The following ESR1 variants were observed in gnomAD, a reference collection of about 807,000 sequenced individuals.
ESR1 encodes estrogen receptor 1, also known as estrogen receptor.
ESR1 carries 12 observed loss-of-function variants against 52.7 expected under a neutral mutation model. That is an observed-to-expected ratio of 0.23 (90% CI 0.15 to 0.37). ESR1 has a LOEUF of 0.37. Ranked by LOEUF, ESR1 falls within the 10% of genes least tolerant of loss-of-function variation. ESR1 has a pLI of 1.00. For synonymous variants in ESR1, 305 were observed against 316.8 expected, an observed-to-expected ratio of 0.96 and a Z score of 0.39; for missense variants, 584 against 779.7, an observed-to-expected ratio of 0.75 and a Z score of 2.99.
At chr6:151,926,106 A>G (rs1239894221) in intron 3 of ESR1, among the ~76,000 whole-genome samples, 1 of 152,096 alleles carries the variant, frequency 6.6e-6, no homozygotes, top group East Asian at 1.9e-4. Flanking sequence ...CCTTTTTCTC[A>G]TTTAATTGGC....
intron 5 of ESR1, among the ~76,000 whole-genome samples, chr6:152,047,139 CT>C (rs1302204862): frequency 2.0e-5 from 3 of 152,072 alleles, no homozygotes; most frequent in Admixed American, 2.0e-4. Context: ...TTGCTACTCC[CT>C]GTTTTATTTT....
At chr6:151,657,114 T>C (rs1777481374) in intron 1 of ESR1, among the ~76,000 whole-genome samples, 1 of 152,186 alleles carries the variant, frequency 6.6e-6, no homozygotes, top group African/African-American at 2.4e-5. Context: ...ACAGTTTTTG[T>C]TTGTTTTAGT....
At position 151,842,634 on chromosome 6, in the gene ESR1, A is replaced by G. The variant is rs1383010983; in HGVS notation, c.490A>G (p.Arg164Gly). The stretch of plus-strand genomic sequence containing the variant: ...TAATCGACGCCAGGGTGGCAGAGAA[A>G]GATTGGCCAGTACCAATGACAAGGG... The part of the protein sequence containing the change: ...SDNRRQGGRE[R>G]LASTNDKGSM... Residue 164 changes from arginine to glycine, a missense_variant, in exon 2 of 8, where the codon AGA becomes GGA. Transcript: ENST00000206249. 1.9e-6 allele frequency: 3 copies of G among 1,613,726 alleles called. No individual in the cohort carries two copies. Among genetic ancestry groups the G allele is most frequent in the African/African-American group, 1.3e-5 (1 of 74,892 alleles).
intron 5 of ESR1, among the ~76,000 whole-genome samples, chr6:152,012,955 C>T (rs1002512061): frequency 6.6e-6 from 1 of 152,152 alleles, no homozygotes; most frequent in Non-Finnish European, 1.5e-5. Context: ...GAGAATTGTA[C>T]AAGGTGTTGG....
upstream of ESR1, among the ~76,000 whole-genome samples, chr6:151,803,748 A>T (rs918789979): frequency 6.6e-6 from 1 of 152,172 alleles, no homozygotes; most frequent in African/African-American, 2.4e-5. Flanking sequence ...GAGAGATTGT[A>T]AAGCTAGAAG....
chr6:151,678,509 C>T (rs529609734), intron 1 of ESR1, among the ~76,000 whole-genome samples: 1 of 151,982 alleles, frequency 6.6e-6, no homozygotes, highest in East Asian at 1.9e-4. Context: ...GAGTCTCTCC[C>T]CAAAAATCGG....
chr6:151,962,833 C>T (rs2037829112), intron 4 of ESR1, among the ~76,000 whole-genome samples: 1 of 152,102 alleles, frequency 6.6e-6, no homozygotes, highest in African/African-American at 2.4e-5. Flanking sequence ...CTTTGTCTTC[C>T]AATTGTTCTA....
intron 1 of ESR1, among the ~76,000 whole-genome samples, chr6:151,826,955 G>T (rs1781603672): frequency 6.6e-6 from 1 of 152,174 alleles, no homozygotes. Context: ...TGAGGGCACA[G>T]CAGGGAAGAG....
intron 3 of ESR1, among the ~76,000 whole-genome samples, chr6:151,938,507 G>T (rs536362967): frequency 1.7e-4 from 26 of 152,264 alleles, no homozygotes; most frequent in African/African-American, 6.0e-4. Flanking sequence ...TTAAGCAGTT[G>T]ATGTGTCTTT....
Position 151,879,903 on chromosome 6 carries a change from C to T in ESR1, c.644-752C>T, listed in dbSNP as rs547292550. Among the ~76,000 whole-genome samples, 9 of 152,120 alleles carry T rather than the reference C, an allele frequency of 5.9e-5. No homozygotes were observed. The East Asian group carries it at 7.8e-4, about 13-fold the overall frequency. The stretch of plus-strand genomic sequence containing the variant: ...GGTATTCTGTGCTGCATGTGAGTAC[C>T]GACTTAAATTATATTTTAAGAAGGG... On this transcript the variant is annotated intron_variant, in intron 2 of 7. Transcript: ENST00000206249.
intron 2 of ESR1, among the ~76,000 whole-genome samples, chr6:151,764,915 C>T (rs1216865010): frequency 6.6e-6 from 1 of 152,084 alleles, no homozygotes; most frequent in South Asian, 2.1e-4. Flanking sequence ...TCAATTAGAA[C>T]AGTGCTGTAC....
At chr6:151,695,151 G>A (rs1309030897) in intron 1 of ESR1, among the ~76,000 whole-genome samples, 2 of 152,194 alleles carry the variant, frequency 1.3e-5, no homozygotes, top group South Asian at 4.1e-4. Flanking sequence ...TAGCCTTTCT[G>A]TTGTAAAAAC....
intron 5 of ESR1, among the ~76,000 whole-genome samples, chr6:152,025,917 A>G (rs2044110389): frequency 6.6e-6 from 1 of 151,902 alleles, no homozygotes; most frequent in African/African-American, 2.4e-5. Context: ...TCTTACTTTC[A>G]TTATTATTAT....
chr6:152,036,074 A>G (rs2045272115), intron 5 of ESR1, among the ~76,000 whole-genome samples: 2 of 152,032 alleles, frequency 1.3e-5, no homozygotes, highest in African/African-American at 4.8e-5. Context: ...CAACAACTTT[A>G]ATTAAAAAAC....
At chr6:152,064,405 T>C (rs2047800364) in intron 6 of ESR1, among the ~76,000 whole-genome samples, 1 of 152,226 alleles carries the variant, frequency 6.6e-6, no homozygotes, top group Non-Finnish European at 1.5e-5. Context: ...TATTTCTCAT[T>C]TTTCTAGGCC....
At chr6:151,679,572 C>T (rs188826577) in intron 1 of ESR1, among the ~76,000 whole-genome samples, 1 of 152,274 alleles carries the variant, frequency 6.6e-6, no homozygotes, top group East Asian at 1.9e-4. Flanking sequence ...CCAGGCTACT[C>T]TCAAATTCCC....
chr6:151,900,299 T>G (rs529132661), intron 3 of ESR1, among the ~76,000 whole-genome samples: 35 of 152,288 alleles, frequency 2.3e-4, no homozygotes, highest in African/African-American at 8.2e-4. Flanking sequence ...TTGTGATTGT[T>G]TTTTATTTAT....
chr6:152,105,044 ACAGCC>A (rs1180964419), downstream of ESR1, among the ~76,000 whole-genome samples: 1 of 152,192 alleles, frequency 6.6e-6, no homozygotes, highest in Non-Finnish European at 1.5e-5. Flanking sequence ...TGTCTGGAAG[ACAGCC>A]CACCTGGAGA....
At position 152,090,957 on chromosome 6, in the gene ESR1, A is replaced by AT. The variant is rs575367861; in HGVS notation, c.1370-3422dup. Among the ~76,000 whole-genome samples the AT allele has an allele frequency of 9.9e-5, 15 of 152,106 alleles. No homozygotes were observed. The South Asian group carries it at 1.0e-3, about 11-fold the overall frequency. On this transcript the variant is annotated intron_variant, in intron 6 of 7. Coordinates refer to ENST00000206249, the MANE Select transcript of ESR1 (RefSeq NM_000125.4). ...CTCAAGACTGGTTAATGACATATAGATTTTTTCTTGTTTCCATCTTTGGGA... is the reference window on the plus strand; with the variant it reads ...CTCAAGACTGGTTAATGACATATAGATTTTTTTCTTGTTTCCATCTTTGGGA...
Sources: allele counts gnomAD v4.1 joint callset (sites outside exome capture counted in the v4.1 genomes callset), GRCh38; gene constraint gnomAD v4.1.1; transcripts MANE v1.5; gene names NCBI Gene and HGNC (gene_info 2026-07-23, HGNC 2026-07-21).